CCSAP: variants seen among roughly 807,000 people sequenced by gnomAD.
CCSAP encodes centriole, cilia and spindle-associated protein.
CCSAP carries 17 observed loss-of-function variants against 25.9 expected under a neutral mutation model. The ratio of observed to expected loss-of-function variants is 0.66; its 90% CI spans 0.45 to 0.99. The LOEUF is 0.99. Among genes scored for constraint, CCSAP ranks in the 50% least tolerant of loss-of-function variants. The pLI, the probability that CCSAP is intolerant of heterozygous loss-of-function variation, is 0.00. For synonymous variants in CCSAP, 169 were observed against 157.1 expected (o/e 1.08, Z -0.57); for missense variants, 339 against 367.8 (o/e 0.92, Z 0.64).
At chr1:229,330,181 G>A (rs867493683) in intron 2 of CCSAP, among the ~76,000 whole-genome samples, 1 of 152,152 alleles carries the variant, frequency 6.6e-6, no homozygotes, top group Non-Finnish European at 1.5e-5. Context: ...CCATGTGGGC[G>A]CTCGGTTCTG....
chr1:229,339,493 G>T (rs1211123962), intron 2 of CCSAP, among the ~76,000 whole-genome samples: 1 of 152,104 alleles, frequency 6.6e-6, no homozygotes, highest in African/African-American at 2.4e-5. Context: ...CCTTTCTTGG[G>T]AATCTACTAG....
chr1:229,342,595 C>A lies in CCSAP; in HGVS notation c.-48-82G>T, dbSNP rs1658366684. ...GCCGCGACGTTTAAACCCGGAGCCC[C>A]GCCCGGACGGGAGCAGGGGGCGGGT... On this transcript the variant is annotated intron_variant, in intron 1 of 3. Coordinates refer to ENST00000284617, the MANE Select transcript of CCSAP (RefSeq NM_145257.5). This position sits in a 1 kb window ranked among gnomAD's most constrained non-coding sequence, Gnocchi z 7.5. 1.7e-6 allele frequency: 1 copy of A among 580,388 alleles called. No homozygotes were observed. Among genetic ancestry groups the A allele is most frequent in the South Asian group, 8.8e-5 (1 of 11,350 alleles). 36.0% of individuals were successfully genotyped at this position (580,388 alleles called of 1,614,324 possible).
intron 3 of CCSAP, 89 bp downstream of exon 3, chr1:229,326,648 TG>T: frequency 6.6e-7 from 1 of 1,505,072 alleles, no homozygotes; most frequent in Non-Finnish European, 9.0e-7. Flanking sequence ...AAGCACCCAG[TG>T]GCCAAAGGAC....
At position 229,342,297 on chromosome 1, in the gene CCSAP, A is replaced by C. The variant is rs2102701253; in HGVS notation, c.169T>G (p.Ser57Ala). The change falls in exon 2 of 4, where the codon TCC becomes GCC. Residue 57 changes from serine (S) to alanine (A), a missense_variant. Physicochemically the swap from Ser to Ala is moderately conservative, Grantham distance 99 (BLOSUM62 1). Coordinates refer to ENST00000284617, the MANE Select transcript of CCSAP (RefSeq NM_145257.5). This position sits in a 1 kb window ranked among gnomAD's most constrained non-coding sequence, Gnocchi z 7.5. ...WLWDDWGPAG[S>A]SEDSASSESS... ...TCTGACGACGCCGAGTCCTCCGAGG[A>C]GCCGGCCGGGCCCCAGTCGTCCCAG... 1 of 1,414,710 alleles carries C rather than the reference A, an allele frequency of 7.1e-7. No homozygotes were observed. Among genetic ancestry groups the C allele is most frequent in the East Asian group, 2.9e-5 (1 of 34,282 alleles). The allele number at this position is 1,414,710 out of a possible 1,614,324, so 87.6% of individuals were successfully genotyped here.
chr1:229,332,087 C>T (rs1334828742), intron 2 of CCSAP, among the ~76,000 whole-genome samples: 1 of 152,154 alleles, frequency 6.6e-6, no homozygotes, highest in African/African-American at 2.4e-5. Flanking sequence ...AGGTGATCCA[C>T]CCGCCTCGGC....
intron 2 of CCSAP, among the ~76,000 whole-genome samples, chr1:229,338,573 AC>A (rs1658257216): frequency 6.6e-6 from 1 of 151,416 alleles, no homozygotes; most frequent in Non-Finnish European, 1.5e-5. Context: ...ACACACACAC[AC>A]AGAATTTCCT....
rs560701798 is a variant in CCSAP at position 229,323,342 on chromosome 1, G to A, written c.*1893C>T. The A allele has an allele frequency of 6.6e-6, 1 of 152,302 alleles. No individual in the cohort carries two copies. Among genetic ancestry groups the A allele is most frequent in the Non-Finnish European group, 1.5e-5 (1 of 68,048 alleles). 9.4% of individuals were successfully genotyped at this position (152,302 alleles called of 1,614,324 possible). A position where few individuals can be genotyped will look rare whatever the true frequency, so the allele number is the denominator to read the frequency against. ...GCGGTTCAAAGTCTAGAGGAAGTCG[G>A]GTTTCTAAGGCAGTCCGTCAGTGTG... is the stretch of plus-strand genomic sequence containing the variant. On this transcript the variant is annotated 3_prime_UTR_variant, in exon 4 of 4. Transcript: ENST00000284617.
intron 2 of CCSAP, among the ~76,000 whole-genome samples, chr1:229,333,268 T>A (rs1558251000): frequency 6.7e-6 from 1 of 149,956 alleles, no homozygotes. Flanking sequence ...CCGTCTCTAC[T>A]AAAAATACAA....
chr1:229,342,626 CGAGGGCGGG>C lies in CCSAP; in HGVS notation c.-48-122_-48-114del, dbSNP rs1558254063. The C allele has an allele frequency of 6.0e-5, 26 of 433,666 alleles. No individual in the cohort carries two copies. In the East Asian group the frequency reaches 9.9e-4, roughly 17 times the overall value. 26.9% of individuals were successfully genotyped at this position (433,666 alleles called of 1,614,324 possible). A position where few individuals can be genotyped will look rare whatever the true frequency, so the allele number is the denominator to read the frequency against. ...GACGGGAGCAGGGGGCGGGTCCCGG[CGAGGGCGGG>C]GAGGGGGCGGGGCGGGGGCGGCCTC... On this transcript the variant is annotated intron_variant, in intron 1 of 3. Coordinates refer to ENST00000284617, the MANE Select transcript of CCSAP (RefSeq NM_145257.5). The surrounding 1 kb of genome is among the most constrained non-coding windows in gnomAD (Gnocchi z 7.5).
Position 229,342,520 on chromosome 1 carries a change from G to C in CCSAP, c.-48-7C>G, listed in dbSNP as rs983263120. 1 of 1,222,686 alleles carries C rather than the reference G, an allele frequency of 8.2e-7. No individual in the cohort carries two copies. The highest frequency in any genetic ancestry group is 1.0e-6 in the Non-Finnish European group (1 of 955,292). 75.7% of individuals were successfully genotyped at this position (1,222,686 alleles called of 1,614,324 possible). A position where few individuals can be genotyped will look rare whatever the true frequency, so the allele number is the denominator to read the frequency against. On this transcript the variant is annotated splice_region_variant and splice_polypyrimidine_tract_variant and intron_variant, in intron 1 of 3. Transcript: ENST00000284617. The surrounding 1 kb of genome is among the most constrained non-coding windows in gnomAD (Gnocchi z 7.5). ...GCTCCTCGCTGCCCGCAGCCTACGGGACCCGGTACACGACACAGAGGCCGC... is the reference window on the plus strand; with the variant it reads ...GCTCCTCGCTGCCCGCAGCCTACGGCACCCGGTACACGACACAGAGGCCGC...
In CCSAP at chr1:229,325,266, T is replaced by A; in HGVS notation, c.782A>T (p.Glu261Val). The A allele has an allele frequency of 6.2e-7, 1 of 1,613,732 alleles. No homozygotes were observed. Among genetic ancestry groups the A allele is most frequent in the Non-Finnish European group, 8.5e-7 (1 of 1,179,906 alleles). Residue 261 changes from glutamate to valine, a missense_variant, in exon 4 of 4, where the codon GAA (glutamate) becomes GTA (valine). Physicochemically the swap from Glu to Val is moderately radical, Grantham distance 121. Coordinates refer to ENST00000284617, the MANE Select transcript of CCSAP (RefSeq NM_145257.5). ...TCTTGCCGAATAGCACCTCATGTAT[T>A]CTGTCATCCACGGGTTCTCTGAGGA... Reference protein sequence around the residue: ...ASSSENPWMTEYMRCYSARA With the variant: ...ASSSENPWMTVYMRCYSARA
At chr1:229,333,454 T>A (rs930386757) in intron 2 of CCSAP, among the ~76,000 whole-genome samples, 42 of 116,030 alleles carry the variant, frequency 3.6e-4, no homozygotes, top group South Asian at 1.2e-3. Context: ...AAAAAAAAAA[T>A]TTCTAAATAA....
chr1:229,326,511 A>C (rs570722093), intron 3 of CCSAP, among the ~76,000 whole-genome samples: 1 of 152,292 alleles, frequency 6.6e-6, no homozygotes, highest in South Asian at 2.1e-4. Flanking sequence ...TCTTCTGGGT[A>C]ACTCCAAGCC....
intron 2 of CCSAP, among the ~76,000 whole-genome samples, chr1:229,336,927 G>C (rs1658208161): frequency 6.6e-6 from 1 of 151,910 alleles, no homozygotes; most frequent in African/African-American, 2.4e-5. Context: ...AATTTCAATA[G>C]AAATGTTGGG....
chr1:229,325,206 T>TAA lies in CCSAP; in HGVS notation c.*27_*28dup, dbSNP rs1657911802. 1 of 1,553,428 alleles carries TAA rather than the reference T, an allele frequency of 6.4e-7. No individual in the cohort carries two copies. Among genetic ancestry groups the TAA allele is most frequent in the East Asian group, 2.3e-5 (1 of 43,896 alleles). On this transcript the variant is annotated 3_prime_UTR_variant, in exon 4 of 4. Coordinates refer to ENST00000284617, the MANE Select transcript of CCSAP (RefSeq NM_145257.5). ...TTTCCTTTCAGTCATTTACACTTTT[T>TAA]AAAAGAGGCTGTCCACGCAAGTGTT...
intron 2 of CCSAP, among the ~76,000 whole-genome samples, chr1:229,338,793 T>G (rs940129610): frequency 6.6e-6 from 1 of 151,748 alleles, no homozygotes; most frequent in African/African-American, 2.4e-5. Context: ...AAACCCTACA[T>G]GCATCAATCA....
chr1:229,331,140 C>CAGAAGTCTGTGTTGATTGTTG (rs1658058492), intron 2 of CCSAP, among the ~76,000 whole-genome samples: 1 of 152,240 alleles, frequency 6.6e-6, no homozygotes, highest in African/African-American at 2.4e-5. Context: ...AAACTAAAAT[C>CAGAAGTCTGTGTTGATTGTTG]TTCTCAGGAA....
At chr1:229,335,432 G>A (rs143886779) in intron 2 of CCSAP, among the ~76,000 whole-genome samples, 1,575 of 152,260 alleles carry the variant, frequency 0.01, 23 homozygotes, top group African/African-American at 0.036. Context: ...CCCAGCCCTC[G>A]TGCTCTTCTG....
At chr1:229,330,378 A>G (rs75259311) in intron 2 of CCSAP, among the ~76,000 whole-genome samples, 3,381 of 152,282 alleles carry the variant, frequency 0.022, 139 homozygotes, top group African/African-American at 0.077. Flanking sequence ...GTGTGGACCA[A>G]GTCACCCAGA....
Sources: allele counts gnomAD v4.1 joint callset (sites outside exome capture counted in the v4.1 genomes callset), GRCh38; gene constraint gnomAD v4.1.1; non-coding constraint Gnocchi (gnomAD v3.1); transcripts MANE v1.5; gene names NCBI Gene and HGNC (gene_info 2026-07-23, HGNC 2026-07-21).